SPATA21: variants seen among roughly 807,000 people sequenced by gnomAD.
SPATA21 encodes the protein spermatogenesis associated 21.
In SPATA21, 47 loss-of-function variants were observed where a neutral mutation model predicts 54.8. That is an observed-to-expected ratio of 0.86 (90% CI 0.68 to 1.09). The LOEUF (loss-of-function observed/expected upper bound fraction) is 1.09. SPATA21 is among the 50% of genes least tolerant of loss of function. The pLI is 0.00. For missense variants in SPATA21, 599 were observed against 596.4 expected, an observed-to-expected ratio of 1.00 and a Z score of -0.05; for synonymous variants, 245 against 235.3, an observed-to-expected ratio of 1.04 and a Z score of -0.38.
rs199794113 is a variant in SPATA21, at chr1:16,409,897, G to T, written c.291C>A (p.Ala97=). 3.1e-6 allele frequency: 5 copies of T among 1,613,680 alleles called. No homozygotes were observed. In the Admixed American group the frequency reaches 8.3e-5, roughly 27 times the overall value. Reference sequence around the variant, plus strand: ...GGGCCTTCGAGGCTCTCCGATGGGAGGCCTCCATTTTCTCCACCTCCAGCA... The same window carrying T: ...GGGCCTTCGAGGCTCTCCGATGGGATGCCTCCATTTTCTCCACCTCCAGCA... ...KCLLEVEKME[A]SHRRASKARS... Residue 97 remains alanine, a synonymous_variant, in exon 6 of 13, where the codon GCC becomes GCA. Transcript: ENST00000335496. This position sits in a 1 kb window ranked among gnomAD's most constrained non-coding sequence, Gnocchi z 4.1.
At chr1:16,405,518 G>GAAAAAA in intron 7 of SPATA21, among the ~76,000 whole-genome samples, 1 of 143,668 alleles carries the variant, frequency 7.0e-6, no homozygotes, top group Non-Finnish European at 1.5e-5. Context: ...AAAAAAAACT[G>GAAAAAA]GGCATGGTGG....
chr1:16,422,715 T>C (rs1473949795), intron 3 of SPATA21, among the ~76,000 whole-genome samples: 1 of 152,040 alleles, frequency 6.6e-6, no homozygotes, highest in African/African-American at 2.4e-5. Context: ...ACTATGTTGC[T>C]CAGGCTGGTC....
At chr1:16,425,469 C>G in intron 3 of SPATA21, 1 of 1,522,396 alleles carries the variant, frequency 6.6e-7, no homozygotes, top group Non-Finnish European at 8.9e-7. Flanking sequence ...GGGGCTCTTT[C>G]ACCTCCTCTG....
chr1:16,400,986 G>A, intron 10 of SPATA21, 94 bp from the exon 11 acceptor site: 1 of 1,453,546 alleles, frequency 6.9e-7, no homozygotes, highest in Non-Finnish European at 9.3e-7. Context: ...TCTGGAGCAG[G>A]AACACAAGCC....
At chr1:16,415,101 C>G (rs2085962981) in intron 5 of SPATA21, among the ~76,000 whole-genome samples, 1 of 152,062 alleles carries the variant, frequency 6.6e-6, no homozygotes. Flanking sequence ...CTTTCGGATG[C>G]TGAGGCAGGT....
intron 5 of SPATA21, among the ~76,000 whole-genome samples, chr1:16,410,514 G>A (rs1259219303): frequency 6.6e-6 from 1 of 151,872 alleles, no homozygotes; most frequent in Non-Finnish European, 1.5e-5. Context: ...AGGTTCAAGC[G>A]ATTCTCCTGT....
intron 7 of SPATA21, among the ~76,000 whole-genome samples, chr1:16,408,911 C>CA (rs1320127988): frequency 2.0e-5 from 3 of 151,742 alleles, no homozygotes; most frequent in Non-Finnish European, 4.4e-5. Flanking sequence ...AGTTCTGGCC[C>CA]CCCCAACCCA....
In SPATA21 at chr1:16,409,964, G is replaced by C. The variant is rs765552131; in HGVS notation, c.224C>G (p.Thr75Arg). 3 of 1,612,144 alleles carry C rather than the reference G, an allele frequency of 1.9e-6. No homozygotes were observed. The highest frequency in any genetic ancestry group is 2.2e-5 in the East Asian group (1 of 44,890). The stretch of plus-strand genomic sequence containing the variant: ...CTGCCGGAAGTTCCCGAGGCTCTGT[G>C]TCCCTGCAGCCACCGCGGGCTTCTG... Reference protein sequence around the residue: ...QPQKPAVAAGTQSLGNFRQGF... With the variant: ...QPQKPAVAAGRQSLGNFRQGF... The change falls in exon 6 of 13, where the codon ACA becomes AGA. Residue 75 changes from threonine (T) to arginine (R), a missense_variant. Physicochemically the swap from Thr to Arg is moderately conservative, Grantham distance 71. Coordinates refer to ENST00000335496, the MANE Select transcript of SPATA21 (RefSeq NM_198546.1). The surrounding 1 kb of genome is among the most constrained non-coding windows in gnomAD (Gnocchi z 4.1).
At chr1:16,423,234 G>A (rs1487662022) in intron 3 of SPATA21, among the ~76,000 whole-genome samples, 1 of 150,786 alleles carries the variant, frequency 6.6e-6, no homozygotes, top group African/African-American at 2.4e-5. Context: ...CCAACATGGT[G>A]AAACCCTGTC....
chr1:16,417,250 C>T (rs561879658), intron 5 of SPATA21, among the ~76,000 whole-genome samples: 23 of 152,048 alleles, frequency 1.5e-4, no homozygotes, highest in African/African-American at 5.3e-4. Context: ...GCCTGGCTGC[C>T]CTTTCTTTTC....
In SPATA21 at chr1:16,421,559, T is replaced by G. The variant is rs759560901; in HGVS notation, c.96-2A>C. 1 of 1,612,902 alleles carries G rather than the reference T, an allele frequency of 6.2e-7. No homozygotes were observed. The highest frequency in any genetic ancestry group is 1.1e-5 in the South Asian group (1 of 90,868). On this transcript the variant is annotated splice_acceptor_variant, in intron 4 of 12. Transcript: ENST00000335496. LOFTEE classifies it high-confidence loss of function. The surrounding 1 kb of genome is among the most constrained non-coding windows in gnomAD (Gnocchi z 5.2). The stretch of plus-strand genomic sequence containing the variant: ...GGGTGGGTCTCCACAGCCTCACCCC[T>G]GAATAGAAGAGAAACCCCCAGGTGG...
chr1:16,422,796 C>CGGCG (rs1557666914), intron 3 of SPATA21, among the ~76,000 whole-genome samples: 1 of 152,068 alleles, frequency 6.6e-6, no homozygotes, highest in African/African-American at 2.4e-5. Context: ...GCATCAGTCA[C>CGGCG]CATGCTCAGC....
In SPATA21 at chr1:16,409,549, T is replaced by A; in HGVS notation, c.587+52A>T. 1 of 1,559,684 alleles carries A rather than the reference T, an allele frequency of 6.4e-7. No individual in the cohort carries two copies. ...CAGGGACCTGCATCCGGGACAAGGC[T>A]CTGATCTTGGGGCCTTTCAGGAGCG... On this transcript the variant is annotated intron_variant, in intron 6 of 12. Transcript: ENST00000335496. The surrounding 1 kb of genome is among the most constrained non-coding windows in gnomAD (Gnocchi z 4.1).
chr1:16,402,798 C>A (rs567232980), intron 10 of SPATA21, among the ~76,000 whole-genome samples: 1 of 152,022 alleles, frequency 6.6e-6, no homozygotes, highest in African/African-American at 2.4e-5. Flanking sequence ...TGGTGGCACG[C>A]GCCTGTAATC....
chr1:16,400,460 A>C, intron 11 of SPATA21: 1 of 1,198,310 alleles, frequency 8.3e-7, no homozygotes, highest in Non-Finnish European at 1.0e-6. Flanking sequence ...GTTCTTTCTC[A>C]GTCCTGGCTC....
intron 3 of SPATA21, among the ~76,000 whole-genome samples, chr1:16,424,384 T>C (rs566380069): frequency 3.1e-4 from 47 of 150,060 alleles, no homozygotes; most frequent in Non-Finnish European, 5.0e-4. Flanking sequence ...GGCAATATAC[T>C]CTAACCATAT....
chr1:16,405,014 A>G lies in SPATA21; in HGVS notation c.764T>C (p.Val255Ala), dbSNP rs1408354205. The G allele has an allele frequency of 6.2e-7, 1 of 1,609,038 alleles. No individual in the cohort carries two copies. The highest frequency in any genetic ancestry group is 1.7e-5 in the Admixed American group (1 of 58,404). Residue 255 changes from valine (V) to alanine (A), a missense_variant, in exon 8 of 13, where the codon GTG becomes GCG. Coordinates refer to ENST00000335496, the MANE Select transcript of SPATA21 (RefSeq NM_198546.1). Reference protein sequence around the residue: ...KNILLLMGFSVTLAQVEDALM... With the variant: ...KNILLLMGFSATLAQVEDALM... ...GGCGTCCTCCACCTGGGCCAGCGTC[A>G]CAGAGAAGCCCATTAGGAGCAGGAT...
intron 7 of SPATA21, among the ~76,000 whole-genome samples, chr1:16,406,175 A>G (rs2085634911): frequency 6.6e-6 from 1 of 151,680 alleles, no homozygotes. Context: ...GCTGGAGTAC[A>G]GTGGTGCAAT....
chr1:16,426,534 C>G (rs2086323008), intron 3 of SPATA21, among the ~76,000 whole-genome samples: 1 of 145,074 alleles, frequency 6.9e-6, no homozygotes, highest in South Asian at 2.1e-4. Flanking sequence ...GTTGAGATTA[C>G]AGGCGTGAAC....
Sources: gnomAD v4.1 joint callset for allele counts (sites outside exome capture counted in the v4.1 genomes callset) on GRCh38, gnomAD v4.1.1 for gene constraint, Gnocchi (gnomAD v3.1) non-coding constraint, MANE v1.5 for transcripts, NCBI Gene and HGNC (gene_info 2026-07-23, HGNC 2026-07-21) for gene names.